ASPM: variants seen among roughly 807,000 people sequenced by gnomAD.
ASPM encodes abnormal spindle-like microcephaly-associated protein.
In ASPM, 256 loss-of-function variants were observed where a neutral mutation model predicts 366.4. The observed-to-expected ratio is 0.70, with a 90% CI of 0.63 to 0.77. The LOEUF is 0.77. ASPM is among the 30% of genes least tolerant of loss of function. The pLI, the probability that ASPM is intolerant of heterozygous loss-of-function variation, is 0.00. For synonymous variants in ASPM, 1,414 were observed against 1,342.9 expected (o/e 1.05, Z -1.16); for missense variants, 4,146 against 4,090.4 (o/e 1.01, Z -0.37).
Position 197,100,678 on chromosome 1 carries a change from T to G in ASPM, c.8573A>C (p.Gln2858Pro). 1 of 1,612,426 alleles carries G rather than the reference T, an allele frequency of 6.2e-7. No homozygotes were observed. Among genetic ancestry groups the G allele is most frequent in the Non-Finnish European group, 8.5e-7 (1 of 1,179,034 alleles). The change falls in exon 18 of 28, where the codon CAG (glutamine) becomes CCG (proline). Residue 2858 changes from glutamine (Q) to proline (P), a missense_variant. Around this residue, in one of 3 missense-constraint regions of ASPM, gnomAD observed 3,624 missense variants for 3,591.7 expected, o/e 1.01. Coordinates refer to ENST00000367409, the MANE Select transcript of ASPM (RefSeq NM_018136.5). Reference protein sequence around the residue: ...QMAVYRRRFVQQKRAAITLQH... With the variant: ...QMAVYRRRFVPQKRAAITLQH... ...TAAAGTGATAGCAGCTCTTTTCTGCTGAACAAATCTTCTCCGATACACAGC... is the reference window on the plus strand; with the variant it reads ...TAAAGTGATAGCAGCTCTTTTCTGCGGAACAAATCTTCTCCGATACACAGC...
Position 197,088,487 on chromosome 1 carries a change from C to G in ASPM, c.9985-55G>C, listed in dbSNP as rs1364619719. ...TGTAATAAACACATACATTTACAAA[C>G]AACCCAACCAAAAAAACAAAATACA... On this transcript the variant is annotated intron_variant, in intron 25 of 27. Transcript: ENST00000367409. 3 of 1,501,026 alleles carry G rather than the reference C, an allele frequency of 2.0e-6. No homozygotes were observed. In the African/African-American group the frequency reaches 4.2e-5, roughly 21 times the overall value. The allele number at this position is 1,501,026 out of a possible 1,614,324, so 93.0% of individuals were successfully genotyped here. A position where few individuals can be genotyped will look rare whatever the true frequency, so the allele number is the denominator to read the frequency against.
At chr1:197,089,128 T>C (rs1656693367) in intron 25 of ASPM, among the ~76,000 whole-genome samples, 1 of 151,976 alleles carries the variant, frequency 6.6e-6, no homozygotes, top group South Asian at 2.1e-4. Flanking sequence ...TTGCAGAAAG[T>C]AAAGTACAGA....
rs544810538 is a variant in ASPM, at chr1:197,134,586, T to C, written c.2173+510A>G. Among the ~76,000 whole-genome samples, 35 of 152,358 alleles carry C rather than the reference T, an allele frequency of 2.3e-4. 1 individual carries two copies. Among genetic ancestry groups the C allele is most frequent in the African/African-American group, 8.4e-4 (35 of 41,584 alleles). ...CTTATCTTCAGCTGAAATTGATCCC[T>C]ATAATTTCTAAGCAAGAGCTGCACA... On this transcript the variant is annotated intron_variant, in intron 5 of 27. Transcript: ENST00000367409.
At position 197,139,806 on chromosome 1, in the gene ASPM, C is replaced by A. The variant is rs113611857; in HGVS notation, c.1987G>T (p.Ala663Ser). 1,900 of 1,612,032 alleles carry A rather than the reference C, an allele frequency of 1.2e-3. 22 individuals are homozygous for A. In the African/African-American group the frequency reaches 0.022, roughly 18 times the overall value. ...TTTATGAAGGTCAAACTGGACTGTG[C>A]CACAGCGATAATGGGTTTTGTCCTT... is the stretch of plus-strand genomic sequence containing the variant. ...NKRTKPIIAV[A>S]QSSLTFIKPL... The change falls in exon 4 of 28, where the codon GCA (alanine) becomes TCA (serine). Residue 663 changes from alanine to serine, a missense_variant. Physicochemically the swap from Ala to Ser is moderately conservative, Grantham distance 99. This residue lies in a region of ASPM where 3,624 missense variants were observed against 3,591.7 expected (regional missense o/e 1.01). Coordinates refer to ENST00000367409, the MANE Select transcript of ASPM (RefSeq NM_018136.5).
At chr1:197,088,660 A>G (rs555247759) in intron 25 of ASPM, among the ~76,000 whole-genome samples, 2 of 152,214 alleles carry the variant, frequency 1.3e-5, no homozygotes, top group Non-Finnish European at 2.9e-5. Context: ...CCCTAATTCT[A>G]AAGTTTCACA....
intron 7 of ASPM, among the ~76,000 whole-genome samples, chr1:197,130,448 T>A (rs899440455): frequency 1.8e-4 from 28 of 152,196 alleles, no homozygotes; most frequent in African/African-American, 6.8e-4. Flanking sequence ...ATGATAGTTA[T>A]CAATGTAGAA....
chr1:197,146,596 T>TAGAAAAC lies in ASPM; in HGVS notation c.-166_-160dup. 1.4e-6 allele frequency: 1 copy of TAGAAAAC among 719,912 alleles called. No individual in the cohort carries two copies. Among genetic ancestry groups the TAGAAAAC allele is most frequent in the South Asian group, 1.7e-5 (1 of 59,194 alleles). The allele number at this position is 719,912 out of a possible 1,614,324, so 44.6% of individuals were successfully genotyped here. On this transcript the variant is annotated 5_prime_UTR_variant, in exon 1 of 28. Transcript: ENST00000367409. ...TTTTCTTTTCCACTAACCTACTCCC[T>TAGAAAAC]AGAAAACAGAAAACAAGCCCAATAA...
rs776222828 is a variant in ASPM at position 197,090,983 on chromosome 1, T to C, written c.9503A>G (p.Lys3168Arg). 7 of 1,612,754 alleles carry C rather than the reference T, an allele frequency of 4.3e-6. No homozygotes were observed. In the Admixed American group the frequency reaches 1.0e-4, roughly 23 times the overall value. Residue 3168 changes from lysine (K) to arginine (R), a missense_variant, in exon 23 of 28, where the codon AAA becomes AGA. Transcript: ENST00000367409. ...TTCTTGACCTTCATGCTCAATCTTTTTGATGCTATGATATTTCTGAATAAA... is the reference window on the plus strand; with the variant it reads ...TTCTTGACCTTCATGCTCAATCTTTCTGATGCTATGATATTTCTGAATAAA... Reference protein sequence around the residue: ...KRFIQKYHSIKKIEHEGQECL... With the variant: ...KRFIQKYHSIRKIEHEGQECL...
chr1:197,111,877 TTGTA>T (rs1657596999), intron 17 of ASPM, among the ~76,000 whole-genome samples: 1 of 151,928 alleles, frequency 6.6e-6, no homozygotes, highest in South Asian at 2.1e-4. Flanking sequence ...GCTGGTGAGG[TTGTA>T]GAGAAAAAGG....
chr1:197,143,931 A>G, intron 2 of ASPM, 26 bp downstream of exon 2: 2 of 1,581,864 alleles, frequency 1.3e-6, no homozygotes, highest in Non-Finnish European at 1.7e-6. Flanking sequence ...TTCTTAGAGT[A>G]AATCACAGAA....
In ASPM at chr1:197,105,073, T is replaced by TCTA; in HGVS notation, c.4177_4178insTAG (p.Tyr1393delinsLeuAsp). On this transcript the variant is annotated protein_altering_variant, in exon 18 of 28. Coordinates refer to ENST00000367409, the MANE Select transcript of ASPM (RefSeq NM_018136.5). Reference sequence around the variant, plus strand: ...CTGAATTGTAACTGTAGCCCAAAGATATCGTTTATAAGATGTAACAGCAAT... The same window carrying TCTA: ...CTGAATTGTAACTGTAGCCCAAAGATCTAATCGTTTATAAGATGTAACAGCAAT... The TCTA allele has an allele frequency of 6.2e-7, 1 of 1,610,192 alleles. No individual in the cohort carries two copies. Among genetic ancestry groups the TCTA allele is most frequent in the Non-Finnish European group, 8.5e-7 (1 of 1,177,428 alleles).
rs80157479 is a variant in ASPM, at chr1:197,130,187, T to G, written c.2488-131A>C. The G allele has an allele frequency of 1.9e-3, 1,846 of 947,642 alleles. 20 individuals are homozygous for G. In the African/African-American group the frequency reaches 0.026, roughly 13 times the overall value. The allele number at this position is 947,642 out of a possible 1,614,324, so 58.7% of individuals were successfully genotyped here. A position where few individuals can be genotyped will look rare whatever the true frequency, so the allele number is the denominator to read the frequency against. On this transcript the variant is annotated intron_variant, in intron 7 of 27. Coordinates refer to ENST00000367409, the MANE Select transcript of ASPM (RefSeq NM_018136.5). ...CTTTCTAAATGACATGGTTATTTGCTAAATAACTTCTTTAAACTATGCATA... is the reference window on the plus strand; with the variant it reads ...CTTTCTAAATGACATGGTTATTTGCGAAATAACTTCTTTAAACTATGCATA...
chr1:197,146,061 C>T, intron 1 of ASPM, 80 bp downstream of exon 1: 2 of 1,568,840 alleles, frequency 1.3e-6, no homozygotes, highest in Non-Finnish European at 1.8e-6. Flanking sequence ...CTCCAATCGT[C>T]AACCTTCCTG....
At chr1:197,138,758 C>G (rs922073409) in intron 4 of ASPM, 5 of 721,590 alleles carry the variant, frequency 6.9e-6, no homozygotes. Context: ...TTATTTCTTA[C>G]GATGTTTGTC....
rs1657867984 is a variant in ASPM at position 197,120,306 on chromosome 1, A to G, written c.3870+1609T>C. On this transcript the variant is annotated intron_variant, in intron 16 of 27. Transcript: ENST00000367409. The stretch of plus-strand genomic sequence containing the variant: ...AGCACTGTGGGAGACAGAGTCAGGC[A>G]GATCACTTGAGGCAGGAGTTTAAGA... Among the ~76,000 whole-genome samples, 3 of 151,952 alleles carry G rather than the reference A, an allele frequency of 2.0e-5. No individual in the cohort carries two copies. The South Asian group carries it at 6.2e-4, about 31-fold the overall frequency.
rs115201296 is a variant in ASPM at position 197,118,155 on chromosome 1, C to T, written c.3871-172G>A. ...CTGATAATTCCAGGCATGTCGAAAG[C>T]GCTGATAGGTGGGCTTGCAGATATT... On this transcript the variant is annotated intron_variant, in intron 16 of 27. Coordinates refer to ENST00000367409, the MANE Select transcript of ASPM (RefSeq NM_018136.5). 6.8e-3 allele frequency among the ~76,000 whole-genome samples: 1,031 copies of T among 152,184 alleles called. 9 individuals carry two copies. Among genetic ancestry groups the T allele is most frequent in the African/African-American group, 0.022 (932 of 41,520 alleles).
In ASPM at chr1:197,104,733, T is replaced by A; in HGVS notation, c.4518A>T (p.Leu1506Phe). 1 of 1,608,878 alleles carries A rather than the reference T, an allele frequency of 6.2e-7. No individual in the cohort carries two copies. Among genetic ancestry groups the A allele is most frequent in the Non-Finnish European group, 8.5e-7 (1 of 1,178,028 alleles). The change falls in exon 18 of 28, where the codon TTA becomes TTT. Residue 1506 changes from leucine to phenylalanine, a missense_variant. Leu to Phe is a conservative substitution (Grantham distance 22). Coordinates refer to ENST00000367409, the MANE Select transcript of ASPM (RefSeq NM_018136.5). The part of the protein sequence containing the change: ...KRFRCFQAQK[L>F]YKRRKESILT... ...GTATGGACTCTTTTCTTCTTTTATA[T>A]AACTTTTGGGCTTGAAAGCACCGAA...
chr1:197,093,213 C>G lies in ASPM; in HGVS notation c.9133G>C (p.Gly3045Arg). ...LIQAHYRGYK[G>R]RQVFLRQKSA... ...TTCTGCCGAAGAAAGACCTGCCTTC[C>G]TTTATATCCTCTATAATGTGCTTGG... The change falls in exon 21 of 28, where the codon GGA (glycine) becomes CGA (arginine). Residue 3045 changes from glycine (G) to arginine (R), a missense_variant. By Grantham distance (125) the Gly-to-Arg change is moderately radical (BLOSUM62 -2). Coordinates refer to ENST00000367409, the MANE Select transcript of ASPM (RefSeq NM_018136.5). 1 of 1,612,534 alleles carries G rather than the reference C, an allele frequency of 6.2e-7. No homozygotes were observed. Among genetic ancestry groups the G allele is most frequent in the Non-Finnish European group, 8.5e-7 (1 of 1,178,940 alleles).
At chr1:197,109,051 T>C (rs1357527873) in intron 17 of ASPM, among the ~76,000 whole-genome samples, 1 of 150,448 alleles carries the variant, frequency 6.6e-6, no homozygotes, top group Admixed American at 6.6e-5. Flanking sequence ...GTGATCGCTA[T>C]ACAGTATATG....
Sources: allele counts gnomAD v4.1 joint callset (sites outside exome capture counted in the v4.1 genomes callset), GRCh38; gene constraint gnomAD v4.1.1; regional missense constraint gnomAD v4.1.1; transcripts MANE v1.5; gene names NCBI Gene and HGNC (gene_info 2026-07-23, HGNC 2026-07-21).